Variants in KLF12 observed in about 807,000 individuals in gnomAD.
The protein encoded by KLF12 is Krueppel-like factor 12.
A neutral mutation model predicts 37.8 loss-of-function variants in KLF12; 9 were observed. That is an observed-to-expected ratio of 0.24 (90% CI 0.14 to 0.42). The LOEUF is 0.42. KLF12 is among the 10% of genes least tolerant of loss of function. The pLI is 1.00. For synonymous variants in KLF12, 208 were observed against 202.1 expected, an observed-to-expected ratio of 1.03 and a Z score of -0.25; for missense variants, 411 against 516.0, an observed-to-expected ratio of 0.80 and a Z score of 1.97.
At chr13:74,200,031 A>G in the KLF12 span, among the ~76,000 whole-genome samples, 1 of 152,158 alleles carries the variant, frequency 6.6e-6, no homozygotes, top group African/African-American at 2.4e-5. Flanking sequence ...TGATTTTTAA[A>G]TTTAAAGAGC....
chr13:74,154,106 G>A, the KLF12 span, among the ~76,000 whole-genome samples: 6 of 151,530 alleles, frequency 4.0e-5, no homozygotes, highest in South Asian at 2.1e-4. Context: ...ATGGTGGCAC[G>A]CACCTGTAGT....
At chr13:73,717,867 G>A (rs1445193581) in intron 6 of KLF12, among the ~76,000 whole-genome samples, 1 of 152,198 alleles carries the variant, frequency 6.6e-6, no homozygotes, top group African/African-American at 2.4e-5. Flanking sequence ...CCATGAACAA[G>A]TAAGACTGTG....
intron 3 of KLF12, among the ~76,000 whole-genome samples, chr13:73,891,886 ATAAT>A (rs1470555165): frequency 6.6e-6 from 1 of 152,156 alleles, no homozygotes; most frequent in African/African-American, 2.4e-5. Flanking sequence ...TGTAAATAAT[ATAAT>A]TATCTCCGAA....
chr13:73,696,625 C>T (rs1213593425), intron 7 of KLF12, among the ~76,000 whole-genome samples: 1 of 152,106 alleles, frequency 6.6e-6, no homozygotes, highest in East Asian at 1.9e-4. Context: ...GCTCCTTGGC[C>T]ACATATGGCC....
intron 2 of KLF12, among the ~76,000 whole-genome samples, chr13:73,994,472 C>T (rs922443394): frequency 4.1e-5 from 6 of 146,712 alleles, no homozygotes; most frequent in Non-Finnish European, 6.1e-5. Context: ...AGCGCCCCCC[C>T]CACCACCACA....
chr13:73,914,440 T>C (rs1888717259), intron 3 of KLF12, among the ~76,000 whole-genome samples: 3 of 152,216 alleles, frequency 2.0e-5, no homozygotes, highest in Non-Finnish European at 4.4e-5. Context: ...GTTCTGAGAA[T>C]AGTACACATA....
At chr13:74,202,137 T>C in the KLF12 span, among the ~76,000 whole-genome samples, 475 of 152,296 alleles carry the variant, frequency 3.1e-3, 3 homozygotes, top group African/African-American at 0.011. Flanking sequence ...GATCTTAAGA[T>C]CTTAAAGGTC....
At chr13:74,084,380 C>T (rs938142852) in intron 1 of KLF12, among the ~76,000 whole-genome samples, 1 of 152,152 alleles carries the variant, frequency 6.6e-6, no homozygotes, top group African/African-American at 2.4e-5. Context: ...ACAGACTTCC[C>T]CTTGACCATT....
intron 3 of KLF12, among the ~76,000 whole-genome samples, chr13:73,931,066 C>G (rs1889651372): frequency 6.6e-6 from 1 of 151,956 alleles, no homozygotes; most frequent in Non-Finnish European, 1.5e-5. Flanking sequence ...CCATGTTGGT[C>G]AGGCTGGTCT....
intron 5 of KLF12, among the ~76,000 whole-genome samples, chr13:73,774,099 C>A (rs1156249140): frequency 6.6e-6 from 1 of 151,978 alleles, no homozygotes; most frequent in Non-Finnish European, 1.5e-5. Flanking sequence ...ATGCCTAGTA[C>A]CAGGCCGTAT....
At chr13:73,769,560 G>C (rs1880140192) in intron 5 of KLF12, among the ~76,000 whole-genome samples, 1 of 152,070 alleles carries the variant, frequency 6.6e-6, no homozygotes, top group South Asian at 2.1e-4. Context: ...TCACTCTGTA[G>C]CTAAAAGAGG....
intron 4 of KLF12, among the ~76,000 whole-genome samples, chr13:73,833,696 T>G (rs1884282604): frequency 6.6e-6 from 1 of 152,118 alleles, no homozygotes; most frequent in South Asian, 2.1e-4. Context: ...AAGGCTTCCC[T>G]TTGCTTTCTA....
chr13:73,692,441 T>C lies in KLF12; in HGVS notation c.*3049A>G, dbSNP rs575342664. ...CTCTATGTGTATAAGTTCCCAACCA[T>C]GCACATATCCCCAGCTGCAAACTGA... On this transcript the variant is annotated 3_prime_UTR_variant, in exon 8 of 8. Transcript: ENST00000377669. 19 of 152,654 alleles carry C rather than the reference T, an allele frequency of 1.2e-4. No homozygotes were observed. Among genetic ancestry groups the C allele is most frequent in the African/African-American group, 4.6e-4 (19 of 41,466 alleles). The allele number at this position is 152,654 out of a possible 1,614,324, so 9.5% of individuals were successfully genotyped here.
intron 1 of KLF12, among the ~76,000 whole-genome samples, chr13:74,093,987 C>T (rs928938126): frequency 2.7e-5 from 4 of 150,704 alleles, no homozygotes; most frequent in Admixed American, 2.6e-4. Flanking sequence ...AATACAATAG[C>T]TAGTTCATAT....
At chr13:73,757,739 T>C (rs985480066) in intron 6 of KLF12, among the ~76,000 whole-genome samples, 2 of 152,282 alleles carry the variant, frequency 1.3e-5, no homozygotes, top group East Asian at 1.9e-4. Flanking sequence ...TGGGTTCCAA[T>C]TTTAGTCATT....
the KLF12 span, among the ~76,000 whole-genome samples, chr13:74,237,777 G>T: frequency 3.5e-4 from 54 of 152,348 alleles, no homozygotes; most frequent in East Asian, 7.5e-3. Context: ...TGTGATTTTT[G>T]TACATTCATT....
chr13:73,827,778 G>A (rs1455397742), intron 4 of KLF12, among the ~76,000 whole-genome samples: 1 of 152,082 alleles, frequency 6.6e-6, no homozygotes, highest in Non-Finnish European at 1.5e-5. Flanking sequence ...GGCCAGGCTG[G>A]TCTCAAATTC....
intron 1 of KLF12, among the ~76,000 whole-genome samples, chr13:74,021,142 GA>G (rs1566507132): frequency 1.3e-5 from 2 of 151,940 alleles, no homozygotes; most frequent in Non-Finnish European, 2.9e-5. Flanking sequence ...CAAAAGAAAA[GA>G]AAAAAGCATT....
At chr13:73,934,953 AT>A (rs1456500468) in intron 3 of KLF12, among the ~76,000 whole-genome samples, 1 of 41,620 alleles carries the variant, frequency 2.4e-5, no homozygotes, top group Non-Finnish European at 6.6e-5. Flanking sequence ...GGTTTTTATT[AT>A]TTATTTATTT....
Sources: gnomAD v4.1 joint callset for allele counts (sites outside exome capture counted in the v4.1 genomes callset) on GRCh38, gnomAD v4.1.1 for gene constraint, MANE v1.5 for transcripts, NCBI Gene and HGNC (gene_info 2026-07-23, HGNC 2026-07-21) for gene names.